Variants in PPP1R9A observed in about 807,000 individuals in gnomAD.
The protein encoded by PPP1R9A is neurabin-1.
Under a neutral mutation model 141.9 loss-of-function variants are expected in PPP1R9A, and 59 were observed. The observed-to-expected ratio is 0.42, with a 90% CI of 0.34 to 0.52. The LOEUF (loss-of-function observed/expected upper bound fraction) is 0.52. Ranked by LOEUF, PPP1R9A falls within the 20% of genes least tolerant of loss-of-function variation. PPP1R9A has a pLI of 0.10. For synonymous variants in PPP1R9A, 500 were observed against 569.7 expected, an observed-to-expected ratio of 0.88 and a Z score of 1.74; for missense variants, 1,444 against 1,611.9, an observed-to-expected ratio of 0.90 and a Z score of 1.78.
chr7:94,928,877 A>G (rs936195299), intron 2 of PPP1R9A, among the ~76,000 whole-genome samples: 2 of 152,144 alleles, frequency 1.3e-5, no homozygotes, highest in African/African-American at 2.4e-5. Flanking sequence ...TGCCACTCCA[A>G]TTATTTTGTG....
intron 4 of PPP1R9A, among the ~76,000 whole-genome samples, chr7:95,129,515 A>G (rs541597525): frequency 6.0e-4 from 91 of 152,272 alleles, no homozygotes; most frequent in African/African-American, 1.6e-3. Flanking sequence ...AAAACAGACT[A>G]ATACCCCACA....
At chr7:95,257,674 A>C (rs2153022607) in intron 12 of PPP1R9A, among the ~76,000 whole-genome samples, 2 of 150,614 alleles carry the variant, frequency 1.3e-5, no homozygotes, top group African/African-American at 2.4e-5. Flanking sequence ...TGCTCCCCCC[A>C]CCCCACAACA....
In PPP1R9A at chr7:95,286,965, CT is replaced by C. The variant is rs3214161; in HGVS notation, c.3729+650del. 3,287 of 755,476 alleles carry C rather than the reference CT, an allele frequency of 4.4e-3. 2 individuals are homozygous for C. The highest frequency in any genetic ancestry group is 5.1e-3 in the Non-Finnish European group (2,511 of 495,728). 46.8% of individuals were successfully genotyped at this position (755,476 alleles called of 1,614,324 possible). On this transcript the variant is annotated intron_variant, in intron 18 of 19. Transcript: ENST00000433360. ...CTAACATGATTTTTTATTCACAAAA[CT>C]TTTTTTTTTCTTGTAAGCTTTTCTG... is the stretch of plus-strand genomic sequence containing the variant.
At chr7:94,963,663 T>C (rs1797890882) in intron 2 of PPP1R9A, among the ~76,000 whole-genome samples, 1 of 152,220 alleles carries the variant, frequency 6.6e-6, no homozygotes, top group South Asian at 2.1e-4. Flanking sequence ...TGGATATACA[T>C]GTTGAGTTTC....
At chr7:94,928,653 AC>A (rs1793772255) in intron 2 of PPP1R9A, among the ~76,000 whole-genome samples, 3 of 152,018 alleles carry the variant, frequency 2.0e-5, no homozygotes, top group Admixed American at 6.6e-5. Context: ...ACATTCCTAA[AC>A]CTTTTTGCCC....
chr7:95,250,867 C>T (rs938189537), intron 10 of PPP1R9A, among the ~76,000 whole-genome samples: 1 of 151,968 alleles, frequency 6.6e-6, no homozygotes, highest in African/African-American at 2.4e-5. Flanking sequence ...CCTTTGCTTC[C>T]ATCTCTTGGA....
intron 17 of PPP1R9A, 56 bp downstream of exon 17, chr7:95,284,386 C>T: frequency 7.5e-7 from 1 of 1,335,248 alleles, no homozygotes; most frequent in South Asian, 1.5e-5. Context: ...AAAAGAAAGC[C>T]TCATTTAACT....
intron 3 of PPP1R9A, among the ~76,000 whole-genome samples, chr7:95,113,651 A>G (rs1820970336): frequency 6.6e-6 from 1 of 152,236 alleles, no homozygotes; most frequent in Admixed American, 6.5e-5. Flanking sequence ...GAGGGTAAAA[A>G]GGATGGTGAT....
chr7:95,204,589 G>A (rs1790285683), intron 7 of PPP1R9A, among the ~76,000 whole-genome samples: 1 of 151,008 alleles, frequency 6.6e-6, no homozygotes, highest in South Asian at 2.1e-4. Flanking sequence ...GTATACACAT[G>A]CTTAACACAC....
chr7:95,086,621 G>T (rs1816664630), intron 2 of PPP1R9A, among the ~76,000 whole-genome samples: 2 of 151,912 alleles, frequency 1.3e-5, no homozygotes, highest in African/African-American at 4.9e-5. Context: ...AGGGAATAAA[G>T]GTTTTTCTTA....
intron 2 of PPP1R9A, among the ~76,000 whole-genome samples, chr7:95,007,168 A>C (rs1467733545): frequency 6.6e-6 from 1 of 152,054 alleles, no homozygotes; most frequent in African/African-American, 2.4e-5. Flanking sequence ...GGCCATAATA[A>C]ATTTTTGAAT....
chr7:94,991,038 C>T (rs1801443111), intron 2 of PPP1R9A, among the ~76,000 whole-genome samples: 1 of 152,066 alleles, frequency 6.6e-6, no homozygotes, highest in Non-Finnish European at 1.5e-5. Flanking sequence ...CTGCAATATA[C>T]TGATTTCTTT....
At chr7:95,161,131 C>T (rs1830412276) in intron 4 of PPP1R9A, among the ~76,000 whole-genome samples, 1 of 151,974 alleles carries the variant, frequency 6.6e-6, no homozygotes, top group Admixed American at 6.5e-5. Flanking sequence ...ATTTATATTC[C>T]TCCCAATAGT....
intron 19 of PPP1R9A, among the ~76,000 whole-genome samples, chr7:95,289,152 C>T (rs1805910709): frequency 6.6e-6 from 1 of 152,188 alleles, no homozygotes; most frequent in African/African-American, 2.4e-5. Context: ...ATGATGTTCT[C>T]CCCAGAAGTT....
chr7:95,216,451 T>C (rs1793440609), intron 7 of PPP1R9A, among the ~76,000 whole-genome samples: 2 of 152,184 alleles, frequency 1.3e-5, no homozygotes, highest in South Asian at 4.1e-4. Flanking sequence ...CAATGCAGGC[T>C]CTTTTTTGGT....
intron 8 of PPP1R9A, among the ~76,000 whole-genome samples, chr7:95,239,636 A>T (rs1403685502): frequency 2.6e-5 from 4 of 152,190 alleles, no homozygotes; most frequent in Admixed American, 2.0e-4. Flanking sequence ...TTAAGTTTAT[A>T]ATTATAATTA....
At chr7:95,063,054 G>A (rs1274168521) in intron 2 of PPP1R9A, among the ~76,000 whole-genome samples, 2 of 152,182 alleles carry the variant, frequency 1.3e-5, no homozygotes, top group African/African-American at 4.8e-5. Flanking sequence ...ATGTATCTGA[G>A]CCATGTAAAC....
At chr7:95,222,937 T>A (rs1794654606) in intron 7 of PPP1R9A, among the ~76,000 whole-genome samples, 1 of 152,102 alleles carries the variant, frequency 6.6e-6, no homozygotes, top group Non-Finnish European at 1.5e-5. Flanking sequence ...TTTTTCTTAG[T>A]CCACTAAGTG....
At chr7:95,223,717 A>G (rs1345967291) in intron 7 of PPP1R9A, among the ~76,000 whole-genome samples, 1 of 152,038 alleles carries the variant, frequency 6.6e-6, no homozygotes, top group Non-Finnish European at 1.5e-5. Flanking sequence ...TAAATTTAGC[A>G]TAAGAGTTTC....
Sources: gnomAD v4.1 joint callset for allele counts (sites outside exome capture counted in the v4.1 genomes callset) on GRCh38, gnomAD v4.1.1 for gene constraint, MANE v1.5 for transcripts, NCBI Gene and HGNC (gene_info 2026-07-23, HGNC 2026-07-21) for gene names.